Variants in TEX11 observed in about 807,000 individuals in gnomAD.
The protein encoded by TEX11 is testis expressed 11.
TEX11 carries 7 observed loss-of-function variants against 84.4 expected under a neutral mutation model. That is an observed-to-expected ratio of 0.08 (90% confidence interval 0.05 to 0.16). TEX11 has a LOEUF of 0.16. Ranked by LOEUF, TEX11 falls within the 10% of genes least tolerant of loss-of-function variation. TEX11 has a pLI of 1.00. For missense variants in TEX11, 551 were observed against 660.5 expected, an observed-to-expected ratio of 0.83 and a Z score of 1.82; for synonymous variants, 264 against 222.8, an observed-to-expected ratio of 1.18 and a Z score of -1.64.
intron 25 of TEX11, among the ~76,000 whole-genome samples, chrX:70,557,306 A>T (rs1190725825): frequency 5.0e-5 from 2 of 39,787 alleles, no homozygotes; most frequent in South Asian, 2.4e-3. Context: ...CCATCTCTAT[A>T]AAAAAAAAAA....
intron 16 of TEX11, among the ~76,000 whole-genome samples, chrX:70,663,182 T>C (rs1271051430): frequency 9.0e-6 from 1 of 111,319 alleles, no homozygotes; most frequent in Non-Finnish European, 1.9e-5. Flanking sequence ...AAAGTTCTCT[T>C]AGTCAAAAAA....
At chrX:70,756,042 G>A (rs182087298) in intron 9 of TEX11, among the ~76,000 whole-genome samples, 6 of 112,197 alleles carry the variant, frequency 5.3e-5, no homozygotes, top group Non-Finnish European at 1.1e-4. Flanking sequence ...GGCGGGGGGA[G>A]GGGTGTTGCC....
intron 25 of TEX11, among the ~76,000 whole-genome samples, chrX:70,558,016 G>C (rs772100486): frequency 5.4e-5 from 6 of 111,122 alleles, no homozygotes; most frequent in African/African-American, 1.3e-4. Flanking sequence ...AGATGTGGTG[G>C]TGGCCACCTG....
At chrX:70,619,588 AG>A (rs2089359566) in intron 20 of TEX11, among the ~76,000 whole-genome samples, 1 of 111,928 alleles carries the variant, frequency 8.9e-6, no homozygotes, top group African/African-American at 3.2e-5. Flanking sequence ...GTACCTCAAA[AG>A]AGTCTCAAAG....
chrX:70,635,876 C>T (rs2089565967), intron 17 of TEX11, among the ~76,000 whole-genome samples: 1 of 111,566 alleles, frequency 9.0e-6, no homozygotes, highest in African/African-American at 3.3e-5. Context: ...AATACCAGAT[C>T]TGTACCCCTG....
At chrX:70,544,778 G>A (rs1470229933) in intron 28 of TEX11, among the ~76,000 whole-genome samples, 1 of 93,865 alleles carries the variant, frequency 1.1e-5, no homozygotes, top group Non-Finnish European at 2.0e-5. Flanking sequence ...GGCAGAGGTT[G>A]CAGTGAGCCG....
chrX:70,802,909 G>A, intron 9 of TEX11, among the ~76,000 whole-genome samples: 1 of 111,760 alleles, frequency 8.9e-6, no homozygotes, highest in East Asian at 2.8e-4. Context: ...GCCAAGTTCA[G>A]CATAATATAT....
intron 24 of TEX11, among the ~76,000 whole-genome samples, chrX:70,603,888 C>T (rs1268262488): frequency 5.2e-5 from 1 of 19,114 alleles, no homozygotes; most frequent in African/African-American, 1.6e-4. Context: ...AAAAAGTGGG[C>T]GAAGGACATG....
chrX:70,694,988 C>A (rs1326147155), intron 13 of TEX11, among the ~76,000 whole-genome samples: 1 of 111,791 alleles, frequency 8.9e-6, no homozygotes, highest in Non-Finnish European at 1.9e-5. Flanking sequence ...TTATTCATGA[C>A]CTCCATGACC....
At chrX:70,756,036 G>C (rs748956156) in intron 9 of TEX11, among the ~76,000 whole-genome samples, 6 of 112,146 alleles carry the variant, frequency 5.4e-5, no homozygotes, top group East Asian at 2.8e-4. Flanking sequence ...CAGCTTGGCG[G>C]GGGGAGGGGT....
At chrX:70,736,786 T>TAAC (rs2090699544) in intron 11 of TEX11, among the ~76,000 whole-genome samples, 1 of 111,764 alleles carries the variant, frequency 8.9e-6, no homozygotes, top group Admixed American at 9.6e-5. Context: ...TCTAAAAACT[T>TAAC]AACACTCACT....
chrX:70,679,631 C>T (rs1263934114), intron 14 of TEX11, among the ~76,000 whole-genome samples: 17 of 106,095 alleles, frequency 1.6e-4, no homozygotes, highest in Middle Eastern at 5.1e-3. Flanking sequence ...GCCCGGCAGC[C>T]GCGCTGTCTG....
chrX:70,579,519 C>CAAAAAAAAAAAAAAAAAA (rs763815527), intron 25 of TEX11, among the ~76,000 whole-genome samples: 1 of 9,011 alleles, frequency 1.1e-4, no homozygotes, highest in Non-Finnish European at 2.6e-4. Flanking sequence ...ACAAAAAAAA[C>CAAAAAAAAAAAAAAAAAA]AAAAAAAAAA....
intron 16 of TEX11, among the ~76,000 whole-genome samples, chrX:70,660,038 A>G (rs2089910177): frequency 8.9e-6 from 1 of 112,392 alleles, no homozygotes; most frequent in African/African-American, 3.2e-5. Context: ...TGAATACTGT[A>G]GGCAATTTTA....
At chrX:70,727,680 T>C (rs1285118106) in intron 11 of TEX11, among the ~76,000 whole-genome samples, 4 of 111,245 alleles carry the variant, frequency 3.6e-5, no homozygotes, top group Non-Finnish European at 7.6e-5. Context: ...TGGGAGGTAA[T>C]TTGGTCATGA....
intron 17 of TEX11, among the ~76,000 whole-genome samples, chrX:70,634,299 G>A (rs2089544104): frequency 8.9e-6 from 1 of 111,795 alleles, no homozygotes; most frequent in Admixed American, 9.5e-5. Context: ...TTATCCCCAA[G>A]CTGATCTATA....
chrX:70,797,041 G>A (rs1421586392), intron 9 of TEX11, among the ~76,000 whole-genome samples: 3 of 112,340 alleles, frequency 2.7e-5, no homozygotes, highest in Non-Finnish European at 5.6e-5. Context: ...AGCCACTGTG[G>A]AAAGCAGTTT....
chrX:70,714,466 C>A lies in TEX11; in HGVS notation c.1004+8152G>T, dbSNP rs756439834. On this transcript the variant is annotated intron_variant, in intron 13 of 29. Transcript: ENST00000374333. ...GTCTCCAAGGACTTGCTTTATGAATCTGGGTGCTCCTGTATTGGGTGCATA... is the reference window on the plus strand; with the variant it reads ...GTCTCCAAGGACTTGCTTTATGAATATGGGTGCTCCTGTATTGGGTGCATA... Among the ~76,000 whole-genome samples the A allele has an allele frequency of 2.6e-3, 289 of 111,566 alleles. 3 individuals carry two copies. The highest frequency in any genetic ancestry group is 8.8e-3 in the African/African-American group (269 of 30,645).
chrX:70,583,822 T>C (rs1178221096), intron 25 of TEX11, among the ~76,000 whole-genome samples: 1 of 111,519 alleles, frequency 9.0e-6, no homozygotes, highest in African/African-American at 3.3e-5. Flanking sequence ...TGGACAACAG[T>C]GTGAAGATTT....
Sources: allele counts gnomAD v4.1 joint callset (sites outside exome capture counted in the v4.1 genomes callset), GRCh38; gene constraint gnomAD v4.1.1; transcripts MANE v1.5; gene names NCBI Gene and HGNC (gene_info 2026-07-23, HGNC 2026-07-21).